MPRIP: variants seen among roughly 807,000 people sequenced by gnomAD.
MPRIP encodes myosin phosphatase Rho interacting protein.
A neutral mutation model predicts 234.9 loss-of-function variants in MPRIP; 59 were observed. The observed-to-expected ratio is 0.25, with a 90% CI of 0.20 to 0.31. MPRIP has a LOEUF of 0.31. Ranked by LOEUF, MPRIP falls within the 10% of genes least tolerant of loss-of-function variation. The pLI is 1.00. For missense variants in MPRIP, 2,436 were observed against 3,071.0 expected (o/e 0.79, Z 4.89); for synonymous variants, 1,144 against 1,263.9 (o/e 0.91, Z 2.01).
chr17:17,177,225 C>T lies in MPRIP; in HGVS notation c.6958-25C>T, dbSNP rs753251482. On this transcript the variant is annotated intron_variant, in intron 21 of 23. Transcript: ENST00000651222. Reference sequence around the variant, plus strand: ...GCTCCTCTTTCCTGGATGTAACTACCATTCTCTGTCATTTCACTCCCAAGG... The same window carrying T: ...GCTCCTCTTTCCTGGATGTAACTACTATTCTCTGTCATTTCACTCCCAAGG... The T allele has an allele frequency of 3.2e-5, 52 of 1,605,182 alleles. No homozygotes were observed. In the East Asian group the frequency reaches 1.0e-3, roughly 31 times the overall value.
Position 17,167,110 on chromosome 17 carries a change from A to G in MPRIP, c.5519A>G (p.Gln1840Arg), listed in dbSNP as rs369895176. Residue 1840 changes from glutamine to arginine, a missense_variant, in exon 16 of 24, where the codon CAG (glutamine) becomes CGG (arginine). Gln to Arg is a conservative substitution (Grantham distance 43, BLOSUM62 1). Coordinates refer to ENST00000651222, the MANE Select transcript of MPRIP (RefSeq NM_001364716.4). The surrounding 1 kb of genome is among the most constrained non-coding windows in gnomAD (Gnocchi z 5.9). The stretch of plus-strand genomic sequence containing the variant: ...GGTCAGTATTCTTCATTGTTGGTTC[A>G]GGATGCCATTATTCAGGCCCAGGTT... Reference protein sequence around the residue: ...GLGQYSSLLVQDAIIQAQVCY... With the variant: ...GLGQYSSLLVRDAIIQAQVCY... The G allele has an allele frequency of 1.0e-4, 136 of 1,304,284 alleles. No homozygotes were observed. The East Asian group carries it at 6.2e-3, about 60-fold the overall frequency. The allele number at this position is 1,304,284 out of a possible 1,614,324, so 80.8% of individuals were successfully genotyped here.
chr17:17,056,321 C>T (rs1428843322), intron 1 of MPRIP, among the ~76,000 whole-genome samples: 1 of 152,258 alleles, frequency 6.6e-6, no homozygotes, highest in African/African-American at 2.4e-5. Flanking sequence ...TTCTCCAGCC[C>T]TCTTCCCTTT....
chr17:17,138,297 C>A lies in MPRIP; in HGVS notation c.1118C>A (p.Ala373Asp). Reference sequence around the variant, plus strand: ...GCCAGCAGGCAATATGCCACCCTGGCCGACGTCCCTAAGGCCATCAGGATC... The same window carrying A: ...GCCAGCAGGCAATATGCCACCCTGGACGACGTCCCTAAGGCCATCAGGATC... ...FKASRQYATLADVPKAIRISH... is the reference protein window; with the variant it reads ...FKASRQYATLDDVPKAIRISH... The change falls in exon 7 of 24, where the codon GCC becomes GAC. Residue 373 changes from alanine to aspartate, a missense_variant. Around this residue, in one of 4 missense-constraint regions of MPRIP, gnomAD observed 267 missense variants for 252.7 expected, o/e 1.06. Coordinates refer to ENST00000651222, the MANE Select transcript of MPRIP (RefSeq NM_001364716.4). This position sits in a 1 kb window ranked among gnomAD's most constrained non-coding sequence, Gnocchi z 5.8. 2.2e-6 allele frequency: 1 copy of A among 448,874 alleles called. No homozygotes were observed. Among genetic ancestry groups the A allele is most frequent in the Non-Finnish European group, 3.9e-6 (1 of 254,584 alleles). 27.8% of individuals were successfully genotyped at this position (448,874 alleles called of 1,614,324 possible). A position where few individuals can be genotyped will look rare whatever the true frequency, so the allele number is the denominator to read the frequency against.
chr17:17,090,866 A>G (rs1161650581), intron 3 of MPRIP, among the ~76,000 whole-genome samples: 1 of 152,158 alleles, frequency 6.6e-6, no homozygotes, highest in Admixed American at 6.5e-5. Context: ...TGGGGCCCAG[A>G]CACGCCCTAG....
chr17:17,102,639 G>A (rs1279600702), intron 3 of MPRIP, among the ~76,000 whole-genome samples: 3 of 152,084 alleles, frequency 2.0e-5, no homozygotes, highest in Non-Finnish European at 1.5e-5. Context: ...TGTCCCATGC[G>A]CTTGGTATAC....
chr17:17,172,865 G>T, intron 18 of MPRIP, 50 bp downstream of exon 18: 1 of 1,505,600 alleles, frequency 6.6e-7, no homozygotes, highest in Non-Finnish European at 9.2e-7. Flanking sequence ...CCTCTGGGGT[G>T]CTGACCAGGC....
At chr17:17,184,587 T>G (rs574124234) in intron 23 of MPRIP, among the ~76,000 whole-genome samples, 23 of 152,338 alleles carry the variant, frequency 1.5e-4, no homozygotes, top group Non-Finnish European at 2.8e-4. Context: ...AAACACATGG[T>G]CTTGTCTCTC....
chr17:17,176,573 C>G (rs2046259396), intron 21 of MPRIP, 61 bp downstream of exon 21: 1 of 1,285,732 alleles, frequency 7.8e-7, no homozygotes, highest in African/African-American at 1.5e-5. Flanking sequence ...ACATGCGCCT[C>G]CTGAACTCAG....
chr17:17,064,078 C>T (rs944919078), intron 1 of MPRIP, among the ~76,000 whole-genome samples: 3 of 152,130 alleles, frequency 2.0e-5, no homozygotes, highest in Non-Finnish European at 4.4e-5. Flanking sequence ...AGAGCATACG[C>T]GGTGCAGCTC....
At chr17:17,057,847 C>T (rs924120993) in intron 1 of MPRIP, 2 of 600,092 alleles carry the variant, frequency 3.3e-6, no homozygotes, top group East Asian at 2.8e-5. Context: ...CTAATACTTG[C>T]AGTAATATTT....
chr17:17,136,663 C>A (rs1477617503), intron 6 of MPRIP, among the ~76,000 whole-genome samples: 1 of 152,234 alleles, frequency 6.6e-6, no homozygotes, highest in Non-Finnish European at 1.5e-5. Flanking sequence ...CTCTTAAATC[C>A]CATCTTTAAA....
chr17:17,154,931 G>C (rs543491639), intron 13 of MPRIP, among the ~76,000 whole-genome samples: 4 of 152,302 alleles, frequency 2.6e-5, no homozygotes, highest in Admixed American at 1.3e-4. Flanking sequence ...TTTTGCTTTG[G>C]GCTTTTTTCC....
At position 17,190,654 on chromosome 17, in the gene MPRIP, C is replaced by G. The variant is rs2046568412; in HGVS notation, c.*5760C>G. The G allele has an allele frequency of 6.6e-6, 1 of 152,212 alleles. No individual in the cohort carries two copies. The allele number at this position is 152,212 out of a possible 1,614,324, so 9.4% of individuals were successfully genotyped here. A position where few individuals can be genotyped will look rare whatever the true frequency, so the allele number is the denominator to read the frequency against. On this transcript the variant is annotated 3_prime_UTR_variant, in exon 24 of 24. Transcript: ENST00000651222. ...TCTGTAAAGGGAAGACATCTCCCTTCTCTGAAATCCTTCAACAAAAGAAAA... is the reference window on the plus strand; with the variant it reads ...TCTGTAAAGGGAAGACATCTCCCTTGTCTGAAATCCTTCAACAAAAGAAAA...
Position 17,165,587 on chromosome 17 carries a change from C to T in MPRIP, c.3996C>T (p.Tyr1332=), listed in dbSNP as rs566833033. 2 of 1,304,842 alleles carry T rather than the reference C, an allele frequency of 1.5e-6. No homozygotes were observed. The highest frequency in any genetic ancestry group is 1.2e-5 in the South Asian group (1 of 81,032). The allele number at this position is 1,304,842 out of a possible 1,614,324, so 80.8% of individuals were successfully genotyped here. ...TCTCCACAATCCAGTGCCAAAGATA[C>T]ATTCACCCCGAAGGGTCTGAGAAGA... is the stretch of plus-strand genomic sequence containing the variant. The part of the protein sequence containing the change: ...IRFSTIQCQR[Y]IHPEGSEKTW... The change falls in exon 16 of 24, where the codon TAC becomes TAT. Residue 1332 remains tyrosine (Y), a synonymous_variant. Transcript: ENST00000651222.
chr17:17,097,333 A>T (rs540177475), intron 3 of MPRIP: 3 of 153,512 alleles, frequency 2.0e-5, no homozygotes, highest in African/African-American at 7.2e-5. Flanking sequence ...GTTATTTTTA[A>T]TAAGAATATT....
chr17:17,108,737 C>T (rs2090111891), intron 3 of MPRIP, among the ~76,000 whole-genome samples: 1 of 152,198 alleles, frequency 6.6e-6, no homozygotes, highest in African/African-American at 2.4e-5. Flanking sequence ...TGTTATGGGC[C>T]TCACAGCTGC....
At position 17,155,886 on chromosome 17, in the gene MPRIP, A is replaced by G. The variant is rs559973098; in HGVS notation, c.1829+1471A>G. On this transcript the variant is annotated intron_variant, in intron 13 of 23. Transcript: ENST00000651222. ...TGTGGTGGCCTCAGCTACTGCTTCC[A>G]TGGCTCTCCCATCAGGAGCAGACAC... Among the ~76,000 whole-genome samples, 36 of 152,318 alleles carry G rather than the reference A, an allele frequency of 2.4e-4. No individual in the cohort carries two copies. The South Asian group carries it at 7.0e-3, about 30-fold the overall frequency.
chr17:17,153,063 C>T (rs1361782277), intron 12 of MPRIP, among the ~76,000 whole-genome samples: 1 of 152,204 alleles, frequency 6.6e-6, no homozygotes, highest in East Asian at 1.9e-4. Context: ...GCAACGCCCA[C>T]ACCTGGGGGT....
At chr17:17,184,497 C>T (rs940655092) in intron 23 of MPRIP, among the ~76,000 whole-genome samples, 5 of 152,252 alleles carry the variant, frequency 3.3e-5, no homozygotes, top group South Asian at 2.1e-4. Flanking sequence ...AGTCTCCTTG[C>T]TCATTGCACT....
Sources: allele counts gnomAD v4.1 joint callset (sites outside exome capture counted in the v4.1 genomes callset), GRCh38; gene constraint gnomAD v4.1.1; regional missense constraint gnomAD v4.1.1; non-coding constraint Gnocchi (gnomAD v3.1); transcripts MANE v1.5; gene names NCBI Gene and HGNC (gene_info 2026-07-23, HGNC 2026-07-21).